The following PPP2R2B variants were observed in gnomAD, a reference collection of about 807,000 sequenced individuals.
PPP2R2B encodes protein phosphatase 2 regulatory subunit Bbeta, also known as serine/threonine-protein phosphatase 2A 55 kDa regulatory subunit B beta isoform.
PPP2R2B carries 5 observed loss-of-function variants against 46.0 expected under a neutral mutation model. That is an observed-to-expected ratio of 0.11 (90% CI 0.06 to 0.23). The LOEUF (loss-of-function observed/expected upper bound fraction) is 0.23, where lower values mean the gene tolerates loss of function less well. Ranked by LOEUF, PPP2R2B falls within the 10% of genes least tolerant of loss-of-function variation. The pLI, the probability that PPP2R2B is intolerant of heterozygous loss-of-function variation, is 1.00. For synonymous variants in PPP2R2B, 215 were observed against 206.7 expected, an observed-to-expected ratio of 1.04 and a Z score of -0.34; for missense variants, 367 against 575.0, an observed-to-expected ratio of 0.64 and a Z score of 3.70.
At chr5:147,069,463 A>G (rs940243416) in intron 2 of PPP2R2B, among the ~76,000 whole-genome samples, 1 of 152,162 alleles carries the variant, frequency 6.6e-6, no homozygotes, top group Admixed American at 6.6e-5. Flanking sequence ...ACAATTATTT[A>G]CCATGGCTTG....
At chr5:146,903,297 G>A (rs1417473884) in intron 1 of PPP2R2B, among the ~76,000 whole-genome samples, 1 of 151,820 alleles carries the variant, frequency 6.6e-6, no homozygotes, top group African/African-American at 2.4e-5. Flanking sequence ...CATTTTTAAG[G>A]TTATAAGGTG....
chr5:146,907,658 T>C (rs575721903), intron 1 of PPP2R2B, among the ~76,000 whole-genome samples: 1 of 152,356 alleles, frequency 6.6e-6, no homozygotes, highest in African/African-American at 2.4e-5. Context: ...AGAAACCCCC[T>C]TTTCCATTAT....
At chr5:146,858,579 G>A (rs1214038966) in intron 2 of PPP2R2B, among the ~76,000 whole-genome samples, 1 of 152,144 alleles carries the variant, frequency 6.6e-6, no homozygotes, top group East Asian at 1.9e-4. Flanking sequence ...AATACACACA[G>A]TACTCAGTAA....
chr5:146,709,936 G>A (rs1201581408), intron 2 of PPP2R2B, among the ~76,000 whole-genome samples: 2 of 152,094 alleles, frequency 1.3e-5, no homozygotes, highest in Admixed American at 6.5e-5. Flanking sequence ...CACAGGGCCA[G>A]GTTATTAATG....
Position 146,583,623 on chromosome 5 carries a change from G to A in PPP2R2B, c.*6324C>T, listed in dbSNP as rs1175069967. On this transcript the variant is annotated 3_prime_UTR_variant, in exon 10 of 10. Transcript: ENST00000394411. Reference sequence around the variant, plus strand: ...TATCTGTGAGCTGTGTGAAGATGGAGCTGTCACTGCTGCTTCCACAGACCA... The same window carrying A: ...TATCTGTGAGCTGTGTGAAGATGGAACTGTCACTGCTGCTTCCACAGACCA... The A allele has an allele frequency of 6.6e-6, 1 of 152,178 alleles. No individual in the cohort carries two copies. The highest frequency in any genetic ancestry group is 1.5e-5 in the Non-Finnish European group (1 of 68,038). 9.4% of individuals were successfully genotyped at this position (152,178 alleles called of 1,614,324 possible).
At chr5:146,598,789 G>C (rs75014122) in intron 8 of PPP2R2B, among the ~76,000 whole-genome samples, 1 of 152,042 alleles carries the variant, frequency 6.6e-6, no homozygotes, top group Non-Finnish European at 1.5e-5. Flanking sequence ...TACTATTGCC[G>C]CTTGCCAGAA....
chr5:146,767,084 G>T (rs1754531525), intron 2 of PPP2R2B, among the ~76,000 whole-genome samples: 1 of 133,500 alleles, frequency 7.5e-6, no homozygotes, highest in East Asian at 2.5e-4. Flanking sequence ...GCTCAGCAGA[G>T]ACAGTAACAG....
intron 2 of PPP2R2B, among the ~76,000 whole-genome samples, chr5:146,778,620 T>A (rs1344145110): frequency 6.6e-6 from 1 of 152,182 alleles, no homozygotes; most frequent in Admixed American, 6.5e-5. Flanking sequence ...TCTCCTGAGT[T>A]GAATTTTCAC....
intron 6 of PPP2R2B, among the ~76,000 whole-genome samples, chr5:146,646,451 C>T (rs1031441269): frequency 2.0e-5 from 3 of 152,130 alleles, no homozygotes; most frequent in Non-Finnish European, 4.4e-5. Context: ...TGTAGTTAGC[C>T]TATTAAGACG....
chr5:146,674,675 T>C (rs1777589405), intron 5 of PPP2R2B, among the ~76,000 whole-genome samples: 1 of 152,206 alleles, frequency 6.6e-6, no homozygotes, highest in Non-Finnish European at 1.5e-5. Flanking sequence ...TCCTCCATCA[T>C]TGGCAGCAGG....
intron 1 of PPP2R2B, among the ~76,000 whole-genome samples, chr5:146,938,612 T>C (rs2151827514): frequency 6.6e-6 from 1 of 152,264 alleles, no homozygotes; most frequent in African/African-American, 2.4e-5. Context: ...TATATTTACA[T>C]TTCATGTTTA....
chr5:146,926,498 TCTC>T (rs1395750994), intron 1 of PPP2R2B, among the ~76,000 whole-genome samples: 1 of 152,120 alleles, frequency 6.6e-6, no homozygotes, highest in African/African-American at 2.4e-5. Context: ...TTTATGCCAT[TCTC>T]CTGCCTCAGC....
chr5:146,876,788 T>C (rs1761921952), intron 2 of PPP2R2B, among the ~76,000 whole-genome samples: 2 of 152,192 alleles, frequency 1.3e-5, no homozygotes, highest in Admixed American at 1.3e-4. Flanking sequence ...TCAATAGCAC[T>C]GGACATTCTT....
At chr5:146,807,298 G>T (rs1335479730) in intron 2 of PPP2R2B, among the ~76,000 whole-genome samples, 1 of 152,156 alleles carries the variant, frequency 6.6e-6, no homozygotes, top group African/African-American at 2.4e-5. Context: ...GCTATTCATG[G>T]CTAAGGAGGC....
At chr5:146,673,734 G>A (rs1250955908) in intron 5 of PPP2R2B, among the ~76,000 whole-genome samples, 1 of 152,174 alleles carries the variant, frequency 6.6e-6, no homozygotes, top group Non-Finnish European at 1.5e-5. Context: ...CCCTAGAAAG[G>A]AGTGACTCCT....
chr5:146,762,619 T>G (rs1049262357), intron 2 of PPP2R2B, among the ~76,000 whole-genome samples: 1 of 152,238 alleles, frequency 6.6e-6, no homozygotes, highest in African/African-American at 2.4e-5. Flanking sequence ...ATCCATTCTA[T>G]TCATCTCCAT....
chr5:147,024,170 T>TCTATCTAC (rs1426983914), intron 1 of PPP2R2B, among the ~76,000 whole-genome samples: 1 of 151,726 alleles, frequency 6.6e-6, no homozygotes, highest in Admixed American at 6.6e-5. Flanking sequence ...TATCTATCTA[T>TCTATCTAC]CTATCTATCT....
rs527242586 is a variant in PPP2R2B, at chr5:146,863,979, A to C, written c.70+14023T>G. ...AACAAAAGTGGAAAAGGGCCATAGC[A>C]ATTACAAAGGTATTCCTTGGAACAG... On this transcript the variant is annotated intron_variant, in intron 2 of 9. Transcript: ENST00000394411. 1.4e-3 allele frequency among the ~76,000 whole-genome samples: 217 copies of C among 152,308 alleles called. 2 individuals carry two copies. Among genetic ancestry groups the C allele is most frequent in the Non-Finnish European group, 2.6e-3 (176 of 68,036 alleles).
intron 4 of PPP2R2B, among the ~76,000 whole-genome samples, chr5:146,697,011 T>C (rs1476175421): frequency 2.0e-5 from 3 of 152,226 alleles, no homozygotes; most frequent in Non-Finnish European, 4.4e-5. Context: ...AAAATATTCA[T>C]GTATGTTTGA....
Sources: allele counts gnomAD v4.1 joint callset (sites outside exome capture counted in the v4.1 genomes callset), GRCh38; gene constraint gnomAD v4.1.1; transcripts MANE v1.5; gene names NCBI Gene and HGNC (gene_info 2026-07-23, HGNC 2026-07-21).